RFC1: variants seen among roughly 807,000 people sequenced by gnomAD.
RFC1 encodes the protein A1 140 kDa subunit.
In RFC1, 37 loss-of-function variants were observed where a neutral mutation model predicts 137.4. The observed-to-expected ratio is 0.27, with a 90% CI of 0.21 to 0.35. RFC1 has a LOEUF of 0.35. RFC1 is among the 10% of genes least tolerant of loss of function. The pLI, the probability that RFC1 is intolerant of heterozygous loss-of-function variation, is 1.00. For missense variants in RFC1, 1,205 were observed against 1,358.5 expected, an observed-to-expected ratio of 0.89 and a Z score of 1.78; for synonymous variants, 429 against 455.7, an observed-to-expected ratio of 0.94 and a Z score of 0.75.
rs139406969 is a variant in RFC1 at position 39,349,484 on chromosome 4, A to G, written c.132+1864T>C. On this transcript the variant is annotated intron_variant, in intron 2 of 24. Transcript: ENST00000349703. ...CAGTGCTCAATCTCTCTCTCCACCC[A>G]TATGCACTAAGAAGAGGCTATGTGA... 5.7e-3 allele frequency among the ~76,000 whole-genome samples: 868 copies of G among 152,254 alleles called. 5 individuals carry two copies. The highest frequency in any genetic ancestry group is 9.6e-3 in the Non-Finnish European group (650 of 68,024).
At chr4:39,332,984 A>G (rs893021436) in intron 4 of RFC1, among the ~76,000 whole-genome samples, 1 of 152,226 alleles carries the variant, frequency 6.6e-6, no homozygotes, top group Non-Finnish European at 1.5e-5. Context: ...TTTAGAGGCT[A>G]AGTGCCCAGT....
In RFC1 at chr4:39,320,469, C is replaced by G. The variant is rs938879469; in HGVS notation, c.1009G>C (p.Ala337Pro). 3 of 1,601,106 alleles carry G rather than the reference C, an allele frequency of 1.9e-6. No homozygotes were observed. The highest frequency in any genetic ancestry group is 2.6e-6 in the Non-Finnish European group (3 of 1,176,468). ...ATGGCATTTTCTTTTCTTTTTGAGG[C>G]CACAGGCTCTATTTCTTTATAAGAG... is the stretch of plus-strand genomic sequence containing the variant. ...ESSYKEIEPV[A>P]SKRKENAIKL... Residue 337 changes from alanine (A) to proline (P), a missense_variant, in exon 9 of 25, where the codon GCC becomes CCC. Ala to Pro is a conservative substitution (Grantham distance 27). Transcript: ENST00000349703.
Position 39,304,840 on chromosome 4 carries a change from T to G in RFC1, c.2084A>C (p.Asn695Thr), listed in dbSNP as rs1738555164. 1 of 1,610,198 alleles carries G rather than the reference T, an allele frequency of 6.2e-7. No individual in the cohort carries two copies. The highest frequency in any genetic ancestry group is 8.5e-7 in the Non-Finnish European group (1 of 1,176,562). Residue 695 changes from asparagine (N) to threonine (T), a missense_variant, in exon 15 of 25, where the codon AAT (asparagine) becomes ACT (threonine). Around this residue, in one of 3 missense-constraint regions of RFC1, gnomAD observed 962 missense variants for 1,035.3 expected, o/e 0.93. Transcript: ENST00000349703. The stretch of plus-strand genomic sequence containing the variant: ...TGAATAAAAGCCTTTGATGCTGGTA[T>G]TGTTCAGTGACTCAGCAACAATCGC... ...LKAIVAESLN[N>T]TSIKGFYSNG...
intron 22 of RFC1, among the ~76,000 whole-genome samples, chr4:39,293,851 A>C (rs1270884112): frequency 2.0e-5 from 3 of 152,192 alleles, no homozygotes; most frequent in Non-Finnish European, 4.4e-5. Flanking sequence ...GGAGCAGGAA[A>C]ACAGCAAGAG....
intron 14 of RFC1, 24 bp downstream of exon 14, chr4:39,306,568 A>G (rs1260146368): frequency 4.4e-6 from 6 of 1,362,394 alleles, no homozygotes; most frequent in African/African-American, 1.4e-5. Flanking sequence ...TATCTGTCCG[A>G]CCACACTGTG....
At chr4:39,297,827 A>G (rs1190491067) in intron 21 of RFC1, 1 of 152,214 alleles carries the variant, frequency 6.6e-6, no homozygotes, top group African/African-American at 2.4e-5. Flanking sequence ...ATAGTTTTAA[A>G]GGCTATAAAT....
At chr4:39,302,449 G>C in intron 18 of RFC1, 51 bp downstream of exon 18, 1 of 1,507,552 alleles carries the variant, frequency 6.6e-7, no homozygotes, top group East Asian at 2.3e-5. Flanking sequence ...AAGGTTGAAA[G>C]CATTAGTTAA....
chr4:39,318,283 G>T (rs1739349370), intron 9 of RFC1, among the ~76,000 whole-genome samples: 1 of 152,204 alleles, frequency 6.6e-6, no homozygotes, highest in African/African-American at 2.4e-5. Flanking sequence ...TCAAATGTTG[G>T]TGTGTGTTCA....
At chr4:39,354,329 C>T (rs1394422879) in intron 1 of RFC1, among the ~76,000 whole-genome samples, 3 of 152,250 alleles carry the variant, frequency 2.0e-5, no homozygotes, top group Middle Eastern at 3.4e-3. Context: ...ATTTATAGCA[C>T]GTGACTTCAC....
chr4:39,317,550 GAA>G, intron 9 of RFC1, among the ~76,000 whole-genome samples: 1 of 152,200 alleles, frequency 6.6e-6, no homozygotes, highest in East Asian at 1.9e-4. Context: ...ACTCCAAAGA[GAA>G]GACACGTTCT....
intron 4 of RFC1, among the ~76,000 whole-genome samples, chr4:39,328,279 G>T (rs1156474549): frequency 6.6e-6 from 1 of 152,078 alleles, no homozygotes; most frequent in Non-Finnish European, 1.5e-5. Flanking sequence ...AATATTTACT[G>T]AGCACTCATT....
In RFC1 at chr4:39,300,381, C is replaced by T; in HGVS notation, c.2569G>A (p.Ala857Thr). The change falls in exon 20 of 25, where the codon GCT becomes ACT. Residue 857 changes from alanine (A) to threonine (T), a missense_variant. Ala to Thr is a moderately conservative substitution (Grantham distance 58, BLOSUM62 0). Transcript: ENST00000349703. Reference protein sequence around the residue: ...PFDVARKVFAAGEETAHMSLV... With the variant: ...PFDVARKVFATGEETAHMSLV... ...GACATGTGAGCAGTCTCCTCTCCAG[C>T]TGCAAACACTTTCCGGGCAACATCA... The T allele has an allele frequency of 6.2e-7, 1 of 1,614,094 alleles. No individual in the cohort carries two copies. The highest frequency in any genetic ancestry group is 8.5e-7 in the Non-Finnish European group (1 of 1,179,958).
At chr4:39,331,088 A>T (rs1740080572) in intron 4 of RFC1, among the ~76,000 whole-genome samples, 1 of 152,224 alleles carries the variant, frequency 6.6e-6, no homozygotes, top group Non-Finnish European at 1.5e-5. Flanking sequence ...ATAATCTCAA[A>T]GTCCTTTCCT....
chr4:39,295,869 ATACCTACC>A, intron 21 of RFC1, 110 bp from the exon 22 acceptor site: 2 of 945,564 alleles, frequency 2.1e-6, no homozygotes, highest in Non-Finnish European at 3.1e-6. Flanking sequence ...ACTGTACCAA[ATACCTACC>A]TACAGGGCAG....
At chr4:39,311,972 G>C (rs1399936404) in intron 11 of RFC1, among the ~76,000 whole-genome samples, 1 of 152,086 alleles carries the variant, frequency 6.6e-6, no homozygotes, top group Non-Finnish European at 1.5e-5. Flanking sequence ...AATGATGACT[G>C]GTCCAAGGCA....
At position 39,317,587 on chromosome 4, in the gene RFC1, T is replaced by C. The variant is rs374729900; in HGVS notation, c.1096-565A>G. 3.9e-4 allele frequency among the ~76,000 whole-genome samples: 59 copies of C among 152,226 alleles called. 1 individual carries two copies. The South Asian group carries it at 0.012, about 30-fold the overall frequency. ...TCTATGCTATTTCATCTCCTCCCAT[T>C]CTACTTCTCTCGGGGAATTTACCAT... On this transcript the variant is annotated intron_variant, in intron 9 of 24. Transcript: ENST00000349703.
At chr4:39,340,479 A>G (rs989229380) in intron 4 of RFC1, among the ~76,000 whole-genome samples, 7 of 152,182 alleles carry the variant, frequency 4.6e-5, no homozygotes, top group African/African-American at 1.7e-4. Context: ...ATTTTATTTA[A>G]CCTTATACTG....
chr4:39,338,812 A>G (rs1740478228), intron 4 of RFC1, among the ~76,000 whole-genome samples: 1 of 152,186 alleles, frequency 6.6e-6, no homozygotes, highest in African/African-American at 2.4e-5. Context: ...TCCCAAATAC[A>G]GTACAACTTT....
intron 15 of RFC1, 179 bp from the exon 16 acceptor site, chr4:39,303,330 G>T: frequency 1.7e-6 from 1 of 584,466 alleles, no homozygotes; most frequent in Non-Finnish European, 3.0e-6. Context: ...GCAGAGAAGA[G>T]AAACTCTCCC....
Sources: allele counts gnomAD v4.1 joint callset (sites outside exome capture counted in the v4.1 genomes callset), GRCh38; gene constraint gnomAD v4.1.1; regional missense constraint gnomAD v4.1.1; transcripts MANE v1.5; gene names NCBI Gene and HGNC (gene_info 2026-07-23, HGNC 2026-07-21).